CSMD1: variants seen among roughly 807,000 people sequenced by gnomAD.
CSMD1 encodes CUB and Sushi multiple domains 1.
A neutral mutation model predicts 417.5 loss-of-function variants in CSMD1; 213 were observed. The ratio of observed to expected loss-of-function variants is 0.51; its 90% CI spans 0.46 to 0.57. The LOEUF (loss-of-function observed/expected upper bound fraction) is 0.57, where lower values mean the gene tolerates loss of function less well. CSMD1 is among the 20% of genes least tolerant of loss of function. The pLI, the probability that CSMD1 is intolerant of heterozygous loss-of-function variation, is 0.00. For missense variants in CSMD1, 6,923 were observed against 4,529.7 expected (o/e 1.53, Z -15.17); for synonymous variants, 2,862 against 1,736.8 (o/e 1.65, Z -16.11).
At chr8:4,836,109 A>C (rs991878253) in intron 1 of CSMD1, among the ~76,000 whole-genome samples, 27 of 152,254 alleles carry the variant, frequency 1.8e-4, no homozygotes, top group Admixed American at 3.3e-4. Context: ...CAACTGTCAG[A>C]GCTTCAGCTT....
In CSMD1 at chr8:4,541,048, G is replaced by A. The variant is rs141819211; in HGVS notation, c.302+96294C>T. ...ACTTAGCAAAATGTTTCACAAACTCGATTGTTAGAAACTCTAAGGACATTT... is the reference window on the plus strand; with the variant it reads ...ACTTAGCAAAATGTTTCACAAACTCAATTGTTAGAAACTCTAAGGACATTT... On this transcript the variant is annotated intron_variant, in intron 2 of 69. Transcript: ENST00000635120. Among the ~76,000 whole-genome samples the A allele has an allele frequency of 2.7e-3, 415 of 152,250 alleles. 2 individuals carry two copies. Among genetic ancestry groups the A allele is most frequent in the African/African-American group, 9.4e-3 (389 of 41,544 alleles).
chr8:2,942,652 A>G (rs1476906244), intron 68 of CSMD1, 48 bp from the exon 69 acceptor site: 4 of 1,389,262 alleles, frequency 2.9e-6, no homozygotes. Flanking sequence ...TACTCTGCTT[A>G]AACAAATACA....
At chr8:4,284,812 A>G (rs913569088) in intron 3 of CSMD1, among the ~76,000 whole-genome samples, 1 of 152,180 alleles carries the variant, frequency 6.6e-6, no homozygotes. Flanking sequence ...AAACTTCAAT[A>G]TATGTGGCCG....
intron 15 of CSMD1, among the ~76,000 whole-genome samples, chr8:3,405,438 G>C (rs1210730922): frequency 6.6e-6 from 1 of 151,998 alleles, no homozygotes; most frequent in Non-Finnish European, 1.5e-5. Context: ...TATTTATGTC[G>C]GCTGTAACAA....
At chr8:4,151,296 G>C (rs375552443) in intron 3 of CSMD1, among the ~76,000 whole-genome samples, 25 of 152,122 alleles carry the variant, frequency 1.6e-4, no homozygotes, top group African/African-American at 6.0e-4. Context: ...TAAATCATTT[G>C]CCTTGTTATA....
intron 3 of CSMD1, among the ~76,000 whole-genome samples, chr8:4,139,960 G>A (rs1452487696): frequency 1.5e-5 from 2 of 132,942 alleles, no homozygotes; most frequent in Non-Finnish European, 3.5e-5. Context: ...AAGGGCAGGT[G>A]AAACTATGTT....
chr8:3,534,295 C>A, intron 10 of CSMD1, among the ~76,000 whole-genome samples: 1 of 151,960 alleles, frequency 6.6e-6, no homozygotes, highest in East Asian at 1.9e-4. Flanking sequence ...TATTAATTTC[C>A]TTCATCTTTA....
chr8:3,814,551 A>G (rs1010483928), intron 5 of CSMD1, among the ~76,000 whole-genome samples: 3 of 152,132 alleles, frequency 2.0e-5, no homozygotes, highest in South Asian at 2.1e-4. Flanking sequence ...TGTGGTTGTG[A>G]TATCAGGGTG....
intron 2 of CSMD1, among the ~76,000 whole-genome samples, chr8:4,555,441 G>C (rs140441995): frequency 2.0e-5 from 3 of 152,222 alleles, no homozygotes; most frequent in East Asian, 3.9e-4. Flanking sequence ...ACATGCTGTT[G>C]TCAAGGACCT....
At chr8:3,893,170 T>C (rs1284425514) in intron 5 of CSMD1, among the ~76,000 whole-genome samples, 1 of 151,474 alleles carries the variant, frequency 6.6e-6, no homozygotes, top group Non-Finnish European at 1.5e-5. Context: ...AAAGCTGCAG[T>C]GAAAAAACAT....
chr8:3,348,824 G>T (rs1414680282), intron 21 of CSMD1, among the ~76,000 whole-genome samples: 1 of 152,156 alleles, frequency 6.6e-6, no homozygotes, highest in South Asian at 2.1e-4. Flanking sequence ...AGGTAAAAGT[G>T]AAAATACATA....
At chr8:4,993,709 GA>G (rs1296730222) in intron 1 of CSMD1, among the ~76,000 whole-genome samples, 1 of 152,216 alleles carries the variant, frequency 6.6e-6, no homozygotes, top group African/African-American at 2.4e-5. Context: ...AACTTGCAAG[GA>G]GCGAAGTCCG....
chr8:4,044,033 A>T (rs1463054692), intron 3 of CSMD1, among the ~76,000 whole-genome samples: 1 of 139,354 alleles, frequency 7.2e-6, no homozygotes, highest in Non-Finnish European at 1.6e-5. Flanking sequence ...AATTAAAAAA[A>T]AACGCTGAAT....
chr8:3,230,600 A>G (rs755261710), intron 26 of CSMD1, among the ~76,000 whole-genome samples: 4 of 152,218 alleles, frequency 2.6e-5, no homozygotes, highest in Non-Finnish European at 4.4e-5. Flanking sequence ...TAAACTAGTT[A>G]AAGTACACCA....
At chr8:3,575,373 T>C (rs1435671583) in intron 9 of CSMD1, among the ~76,000 whole-genome samples, 2 of 152,118 alleles carry the variant, frequency 1.3e-5, no homozygotes, top group Non-Finnish European at 2.9e-5. Context: ...AAGTAGCCCA[T>C]TTCAAATCCC....
intron 8 of CSMD1, among the ~76,000 whole-genome samples, chr8:3,590,630 G>T (rs1445411590): frequency 2.0e-5 from 3 of 152,102 alleles, no homozygotes; most frequent in African/African-American, 4.8e-5. Context: ...ATCGGAAAAA[G>T]CCATCAATAG....
At chr8:4,127,482 A>T (rs1232863443) in intron 3 of CSMD1, among the ~76,000 whole-genome samples, 2 of 139,052 alleles carry the variant, frequency 1.4e-5, no homozygotes, top group Non-Finnish European at 3.2e-5. Flanking sequence ...AAAAAAAAGA[A>T]AATCATAAAA....
chr8:4,473,990 A>G (rs1345694984), intron 2 of CSMD1, among the ~76,000 whole-genome samples: 2 of 152,204 alleles, frequency 1.3e-5, no homozygotes, highest in African/African-American at 4.8e-5. Flanking sequence ...AAGAGACACA[A>G]AAAATTAATT....
At chr8:3,892,642 G>C (rs1807056864) in intron 5 of CSMD1, among the ~76,000 whole-genome samples, 1 of 151,578 alleles carries the variant, frequency 6.6e-6, no homozygotes, top group Non-Finnish European at 1.5e-5. Flanking sequence ...CTGTTGCTTG[G>C]CACGTCGTGG....
Sources: allele counts gnomAD v4.1 joint callset (sites outside exome capture counted in the v4.1 genomes callset), GRCh38; gene constraint gnomAD v4.1.1; transcripts MANE v1.5; gene names NCBI Gene and HGNC (gene_info 2026-07-23, HGNC 2026-07-21).